Variants in ELAPOR1 observed in about 807,000 individuals in gnomAD.
ELAPOR1 encodes endosome-lysosome associated apoptosis and autophagy regulator 1.
ELAPOR1 carries 77 observed loss-of-function variants against 119.7 expected under a neutral mutation model. The observed-to-expected ratio is 0.64, with a 90% CI of 0.54 to 0.78. The LOEUF (loss-of-function observed/expected upper bound fraction) is 0.78. ELAPOR1 is among the 30% of genes least tolerant of loss of function. The pLI, the probability that ELAPOR1 is intolerant of heterozygous loss-of-function variation, is 0.00. For missense variants in ELAPOR1, 1,115 were observed against 1,270.4 expected (o/e 0.88, Z 1.86); for synonymous variants, 481 against 487.2 (o/e 0.99, Z 0.17).
At chr1:109,197,705 G>GTGTGTGTGTA (rs113227359) in intron 16 of ELAPOR1, 51 bp downstream of exon 16, 2 of 1,552,424 alleles carry the variant, frequency 1.3e-6, no homozygotes, top group Non-Finnish European at 1.8e-6. Flanking sequence ...GTGTGTGTGT[G>GTGTGTGTGTA]TGTGTGTGTA....
At chr1:109,116,636 A>G (rs1648023115) in intron 1 of ELAPOR1, among the ~76,000 whole-genome samples, 2 of 151,882 alleles carry the variant, frequency 1.3e-5, no homozygotes, top group Non-Finnish European at 2.9e-5. Context: ...TTCCAACCCC[A>G]AATGGTGAAA....
intron 1 of ELAPOR1, among the ~76,000 whole-genome samples, chr1:109,145,321 GTAAT>G (rs1382439438): frequency 1.3e-5 from 2 of 152,094 alleles, no homozygotes; most frequent in Non-Finnish European, 2.9e-5. Flanking sequence ...CCAGTGTTAG[GTAAT>G]TAATTGTAGT....
intron 1 of ELAPOR1, among the ~76,000 whole-genome samples, chr1:109,138,686 T>A (rs950036742): frequency 1.1e-4 from 16 of 151,946 alleles, no homozygotes; most frequent in African/African-American, 3.1e-4. Context: ...CGGTGTCAGG[T>A]CCTGCCCAGG....
chr1:109,190,211 T>C (rs1025959937), intron 11 of ELAPOR1, among the ~76,000 whole-genome samples: 24 of 152,260 alleles, frequency 1.6e-4, no homozygotes, highest in African/African-American at 5.8e-4. Flanking sequence ...ACAGGGCACT[T>C]GTGCTTTGCC....
chr1:109,133,782 T>C (rs550161960), intron 1 of ELAPOR1, among the ~76,000 whole-genome samples: 1 of 152,322 alleles, frequency 6.6e-6, no homozygotes, highest in South Asian at 2.1e-4. Context: ...AGCTTGTTTA[T>C]CAGTGGGCAT....
At chr1:109,162,459 C>T (rs1316687472) in intron 2 of ELAPOR1, among the ~76,000 whole-genome samples, 1 of 152,162 alleles carries the variant, frequency 6.6e-6, no homozygotes, top group East Asian at 1.9e-4. Context: ...TAAAATGCTC[C>T]AGGCATCACT....
intron 1 of ELAPOR1, among the ~76,000 whole-genome samples, chr1:109,161,293 C>T (rs546588569): frequency 1.9e-4 from 29 of 151,872 alleles, no homozygotes; most frequent in Non-Finnish European, 4.1e-4. Flanking sequence ...GCCTGTAGTC[C>T]CAGCTACTCG....
chr1:109,177,322 G>C (rs1246635002), intron 7 of ELAPOR1, among the ~76,000 whole-genome samples: 3 of 123,972 alleles, frequency 2.4e-5, no homozygotes, highest in Admixed American at 8.0e-5. Flanking sequence ...TGGGCGGAGG[G>C]GCTCCTCACT....
chr1:109,200,408 G>A (rs1402542459), intron 20 of ELAPOR1, among the ~76,000 whole-genome samples, 171 bp downstream of exon 20: 1 of 152,180 alleles, frequency 6.6e-6, no homozygotes, highest in Non-Finnish European at 1.5e-5. Context: ...ATGGTACCAC[G>A]TGGCAGTCTA....
intron 1 of ELAPOR1, among the ~76,000 whole-genome samples, chr1:109,131,880 A>C (rs1279979968): frequency 6.6e-6 from 1 of 152,080 alleles, no homozygotes; most frequent in Non-Finnish European, 1.5e-5. Flanking sequence ...TAGGACTTGT[A>C]GGTGGGAATG....
Position 109,198,599 on chromosome 1 carries a change from G to C in ELAPOR1, c.2426G>C (p.Ser809Thr), listed in dbSNP as rs758925792. 1 of 1,613,912 alleles carries C rather than the reference G, an allele frequency of 6.2e-7. No individual in the cohort carries two copies. Among genetic ancestry groups the C allele is most frequent in the Non-Finnish European group, 8.5e-7 (1 of 1,179,944 alleles). Residue 809 changes from serine (S) to threonine (T), a missense_variant, in exon 18 of 22, where the codon AGT becomes ACT. Transcript: ENST00000369939. ...YRSNDVTQSC[S>T]SGRSTTIRVR... ...TCCAATGATGTGACCCAGTCCTGCA[G>C]TTCTGGGAGATCAACCACCATCCGC...
chr1:109,125,780 A>G (rs925843571), intron 1 of ELAPOR1, among the ~76,000 whole-genome samples: 9 of 152,202 alleles, frequency 5.9e-5, no homozygotes, highest in Admixed American at 3.3e-4. Context: ...CACACACACC[A>G]AGCAAAAAAC....
Position 109,144,061 on chromosome 1 carries a change from A to ATATTTTTTTTTTTTTTTT in ELAPOR1, c.154-17832_154-17831insATTTTTTTTTTTTTTTTT. Among the ~76,000 whole-genome samples the ATATTTTTTTTTTTTTTTT allele has an allele frequency of 1.4e-3, 126 of 88,958 alleles. 4 individuals carry two copies. The highest frequency in any genetic ancestry group is 1.9e-3 in the Non-Finnish European group (90 of 47,390). The allele number at this position is 88,958 out of a possible 152,430, so 58.4% of individuals were successfully genotyped here. On this transcript the variant is annotated intron_variant, in intron 1 of 21. Coordinates refer to ENST00000369939, the MANE Select transcript of ELAPOR1 (RefSeq NM_020775.5). ...TATATATATATATATATATTTATAT[A>ATATTTTTTTTTTTTTTTT]TTTTTTTTTTTTTTTGAGATGGAGT...
chr1:109,202,193 A>G (rs1355942494), intron 21 of ELAPOR1, among the ~76,000 whole-genome samples: 4 of 151,676 alleles, frequency 2.6e-5, no homozygotes, highest in Non-Finnish European at 2.9e-5. Flanking sequence ...GCTCACTGCA[A>G]CCTCCACCTC....
At chr1:109,179,874 C>A (rs758413750) in intron 7 of ELAPOR1, among the ~76,000 whole-genome samples, 10 of 152,190 alleles carry the variant, frequency 6.6e-5, no homozygotes, top group Non-Finnish European at 1.5e-4. Context: ...CCATTGCACT[C>A]TAGCCTGGGT....
At chr1:109,165,946 C>T (rs554875894) in intron 3 of ELAPOR1, among the ~76,000 whole-genome samples, 7 of 151,186 alleles carry the variant, frequency 4.6e-5, no homozygotes, top group Non-Finnish European at 7.4e-5. Flanking sequence ...GATGGAGTCT[C>T]GCTCTGTCAC....
Position 109,191,868 on chromosome 1 carries a change from G to C in ELAPOR1, c.1683+5G>C, listed in dbSNP as rs367803604. ...AGGACCACTTTTCATGAGGCAGTAA[G>C]TTCCTCCCCTTCCTCAGACCCCCAG... On this transcript the variant is annotated splice_donor_5th_base_variant and intron_variant, in intron 13 of 21. Transcript: ENST00000369939. 2.5e-6 allele frequency: 4 copies of C among 1,613,988 alleles called. No individual in the cohort carries two copies. In the African/African-American group the frequency reaches 4.0e-5, roughly 16 times the overall value.
At chr1:109,202,435 A>C (rs1654234204) in intron 21 of ELAPOR1, among the ~76,000 whole-genome samples, 1 of 149,380 alleles carries the variant, frequency 6.7e-6, no homozygotes, top group African/African-American at 2.5e-5. Context: ...CATTTTTTTA[A>C]AAGAAAAAAA....
intron 2 of ELAPOR1, among the ~76,000 whole-genome samples, chr1:109,163,140 T>C (rs374435525): frequency 2.4e-4 from 37 of 152,274 alleles, no homozygotes; most frequent in African/African-American, 7.9e-4. Context: ...GGAGGGCCAC[T>C]TGAGCAAAAG....
Sources: allele counts gnomAD v4.1 joint callset (sites outside exome capture counted in the v4.1 genomes callset), GRCh38; gene constraint gnomAD v4.1.1; transcripts MANE v1.5; gene names NCBI Gene and HGNC (gene_info 2026-07-23, HGNC 2026-07-21).